Variants in CTNNA2 observed in about 807,000 individuals in gnomAD.
CTNNA2 encodes the protein catenin alpha 2.
A neutral mutation model predicts 101.0 loss-of-function variants in CTNNA2; 42 were observed. The observed-to-expected ratio is 0.42, with a 90% CI of 0.32 to 0.54. The LOEUF (loss-of-function observed/expected upper bound fraction) is 0.54, where lower values mean the gene tolerates loss of function less well. Among genes scored for constraint, CTNNA2 ranks in the 20% least tolerant of loss-of-function variants. The pLI, the probability that CTNNA2 is intolerant of heterozygous loss-of-function variation, is 0.14. For missense variants in CTNNA2, 871 were observed against 1,223.1 expected, an observed-to-expected ratio of 0.71 and a Z score of 4.29; for synonymous variants, 450 against 456.4, an observed-to-expected ratio of 0.99 and a Z score of 0.18.
At chr2:80,361,754 A>C (rs922593525) in intron 7 of CTNNA2, among the ~76,000 whole-genome samples, 3 of 152,232 alleles carry the variant, frequency 2.0e-5, no homozygotes, top group Admixed American at 1.3e-4. Flanking sequence ...AATATAATTT[A>C]GAACAAAATC....
chr2:79,250,197 C>G (rs1253830337), intron 2 of CTNNA2, among the ~76,000 whole-genome samples: 1 of 152,142 alleles, frequency 6.6e-6, no homozygotes, highest in Admixed American at 6.5e-5. Context: ...CCTTGTAAGT[C>G]ATTTAGTAGG....
intron 2 of CTNNA2, among the ~76,000 whole-genome samples, chr2:79,283,020 A>C (rs1675442058): frequency 1.2e-5 from 1 of 86,804 alleles, no homozygotes; most frequent in African/African-American, 3.2e-5. Context: ...GATGATGAGC[A>C]TTTTTTCATG....
At chr2:80,578,842 A>C (rs1040674887) in intron 13 of CTNNA2, 3 of 152,198 alleles carry the variant, frequency 2.0e-5, no homozygotes, top group African/African-American at 7.2e-5. Flanking sequence ...CAAATTCTTT[A>C]GCTGAATGCC....
In CTNNA2 at chr2:79,207,988, C is replaced by A. The variant is rs111750196; in HGVS notation, c.-406+9912C>A. On this transcript the variant is annotated intron_variant, in intron 2 of 21. Transcript: ENST00000466387. ...GTTGGATAATTTAAAAACACACTTA[C>A]CCTTCTGTGTTCTGGGAAATGGTTA... 6.1e-3 allele frequency among the ~76,000 whole-genome samples: 932 copies of A among 152,224 alleles called. 8 individuals carry two copies. The highest frequency in any genetic ancestry group is 0.022 in the African/African-American group (900 of 41,520).
rs577928023 is a variant in CTNNA2 at position 80,072,651 on chromosome 2, T to G, written c.1056+162854T>G. Among the ~76,000 whole-genome samples the G allele has an allele frequency of 2.6e-5, 4 of 152,168 alleles. No homozygotes were observed. The East Asian group carries it at 7.8e-4, about 30-fold the overall frequency. The stretch of plus-strand genomic sequence containing the variant: ...CACCCATCCACTATTCCAATACCAT[T>G]CAAGGTGCAGTGCTGGTCCTGTCCC... On this transcript the variant is annotated intron_variant, in intron 7 of 18. Coordinates refer to ENST00000402739, the MANE Select transcript of CTNNA2 (RefSeq NM_001282597.3).
chr2:79,695,245 G>A (rs111353457), intron 2 of CTNNA2, among the ~76,000 whole-genome samples: 1,564 of 151,980 alleles, frequency 0.01, 31 homozygotes, highest in African/African-American at 0.036. Context: ...TTTAGTGTAT[G>A]CAACTACTGA....
At chr2:80,604,909 A>G (rs1697873673) in intron 16 of CTNNA2, among the ~76,000 whole-genome samples, 1 of 151,976 alleles carries the variant, frequency 6.6e-6, no homozygotes, top group African/African-American at 2.4e-5. Context: ...CTGGGAGAAC[A>G]TCATGTTTTT....
At chr2:79,823,118 G>A (rs536239278) in intron 3 of CTNNA2, among the ~76,000 whole-genome samples, 2 of 152,258 alleles carry the variant, frequency 1.3e-5, no homozygotes, top group Admixed American at 6.5e-5. Context: ...ACAGAGCGAC[G>A]ACTTTTGTCT....
intron 9 of CTNNA2, among the ~76,000 whole-genome samples, chr2:80,519,552 C>A (rs1017802941): frequency 1.1e-4 from 16 of 152,216 alleles, no homozygotes; most frequent in Non-Finnish European, 1.9e-4. Context: ...CATTGTTACT[C>A]CCCAGCATGT....
chr2:79,597,320 A>C (rs1053438616), intron 1 of CTNNA2, among the ~76,000 whole-genome samples: 2 of 151,940 alleles, frequency 1.3e-5, no homozygotes, highest in Non-Finnish European at 2.9e-5. Context: ...AAAATACAAA[A>C]AATTAGCCGG....
chr2:79,339,034 TA>T (rs1488221475), intron 3 of CTNNA2, among the ~76,000 whole-genome samples: 2 of 152,126 alleles, frequency 1.3e-5, no homozygotes, highest in African/African-American at 2.4e-5. Context: ...CATGTTTGTA[TA>T]ACCCAGAGGG....
chr2:80,402,894 C>T (rs915217603), intron 8 of CTNNA2, among the ~76,000 whole-genome samples: 40 of 151,426 alleles, frequency 2.6e-4, no homozygotes, highest in Admixed American at 7.9e-4. Context: ...TCTGATTGTT[C>T]ACTGCTTCTT....
At chr2:80,640,190 G>A (rs181534795) in intron 18 of CTNNA2, among the ~76,000 whole-genome samples, 17 of 152,270 alleles carry the variant, frequency 1.1e-4, no homozygotes, top group African/African-American at 3.1e-4. Flanking sequence ...TACAGAAGTC[G>A]TGATACAATG....
chr2:79,501,163 A>G (rs913756590), intron 4 of CTNNA2, among the ~76,000 whole-genome samples: 7 of 152,212 alleles, frequency 4.6e-5, no homozygotes, highest in Non-Finnish European at 1.0e-4. Flanking sequence ...GTACAGTTTG[A>G]ATATAATGAT....
At chr2:80,587,788 T>C (rs1001222288) in intron 14 of CTNNA2, among the ~76,000 whole-genome samples, 1 of 152,228 alleles carries the variant, frequency 6.6e-6, no homozygotes, top group Non-Finnish European at 1.5e-5. Context: ...ATGGAAAATA[T>C]GTGCATCCTA....
At position 80,545,983 on chromosome 2, in the gene CTNNA2, A is replaced by T; in HGVS notation, c.1460A>T (p.Asp487Val). The T allele has an allele frequency of 6.2e-7, 1 of 1,614,120 alleles. No homozygotes were observed. The highest frequency in any genetic ancestry group is 8.5e-7 in the Non-Finnish European group (1 of 1,180,014). The change falls in exon 11 of 19, where the codon GAC becomes GTC. Residue 487 changes from aspartate to valine, a missense_variant. Asp to Val is a radical substitution (Grantham distance 152, BLOSUM62 -3). This residue lies in a region of CTNNA2 where 647 missense variants were observed against 831.5 expected (regional missense o/e 0.78). Transcript: ENST00000402739. ...CAGGATAACATGGACGTCTTCAAAGACCAGTGGGAGAAGCAGGTCCGAGTG... is the reference window on the plus strand; with the variant it reads ...CAGGATAACATGGACGTCTTCAAAGTCCAGTGGGAGAAGCAGGTCCGAGTG... ...VAQDNMDVFK[D>V]QWEKQVRVLT...
chr2:79,668,579 A>C, intron 2 of CTNNA2, among the ~76,000 whole-genome samples: 1 of 152,202 alleles, frequency 6.6e-6, no homozygotes, highest in East Asian at 1.9e-4. Flanking sequence ...TCAAGATAGT[A>C]TTCTACTTAC....
At chr2:79,371,445 G>A (rs990927815) in intron 3 of CTNNA2, among the ~76,000 whole-genome samples, 10 of 152,060 alleles carry the variant, frequency 6.6e-5, no homozygotes, top group African/African-American at 1.9e-4. Context: ...ATGGAAAGTC[G>A]GAGTGGGAAA....
intron 17 of CTNNA2, among the ~76,000 whole-genome samples, chr2:80,612,449 T>G (rs932756780): frequency 6.6e-6 from 1 of 151,560 alleles, no homozygotes; most frequent in Non-Finnish European, 1.5e-5. Flanking sequence ...CAGAGCACAA[T>G]TGATTTGATA....
Sources: gnomAD v4.1 joint callset for allele counts (sites outside exome capture counted in the v4.1 genomes callset) on GRCh38, gnomAD v4.1.1 for gene constraint, gnomAD v4.1.1 regional missense constraint, MANE v1.5 for transcripts, NCBI Gene and HGNC (gene_info 2026-07-23, HGNC 2026-07-21) for gene names.